DCC: variants seen among roughly 807,000 people sequenced by gnomAD.
The protein encoded by DCC is DCC netrin 1 receptor.
DCC carries 58 observed loss-of-function variants against 172.5 expected under a neutral mutation model. That is an observed-to-expected ratio of 0.34 (90% CI 0.27 to 0.42). The LOEUF (loss-of-function observed/expected upper bound fraction) is 0.42. DCC is among the 10% of genes least tolerant of loss of function. DCC has a pLI of 1.00. For synonymous variants in DCC, 709 were observed against 644.5 expected (o/e 1.10, Z -1.52); for missense variants, 1,740 against 1,791.0 (o/e 0.97, Z 0.51).
chr18:52,567,858 A>G (rs1444717213), intron 1 of DCC, among the ~76,000 whole-genome samples: 1 of 152,076 alleles, frequency 6.6e-6, no homozygotes, highest in Non-Finnish European at 1.5e-5. Flanking sequence ...CTTTATCAGG[A>G]TGGAGCAGTT....
intron 5 of DCC, among the ~76,000 whole-genome samples, chr18:53,005,226 T>C (rs1217560813): frequency 6.6e-6 from 1 of 152,168 alleles, no homozygotes; most frequent in Non-Finnish European, 1.5e-5. Flanking sequence ...ACTATGACCA[T>C]AGTAAAAAAT....
At chr18:52,762,453 A>T (rs2037176543) in intron 2 of DCC, among the ~76,000 whole-genome samples, 1 of 151,006 alleles carries the variant, frequency 6.6e-6, no homozygotes, top group Non-Finnish European at 1.5e-5. Flanking sequence ...AGTCTGAGTG[A>T]CAGAGTGAGA....
At chr18:53,322,662 C>T (rs2057426269) in intron 14 of DCC, among the ~76,000 whole-genome samples, 1 of 151,244 alleles carries the variant, frequency 6.6e-6, no homozygotes, top group African/African-American at 2.4e-5. Flanking sequence ...GATAGTTGTC[C>T]TGAAACATTT....
chr18:53,171,183 C>A (rs896719814), intron 8 of DCC, among the ~76,000 whole-genome samples: 2 of 152,150 alleles, frequency 1.3e-5, no homozygotes, highest in African/African-American at 2.4e-5. Context: ...CTGTGCCTGG[C>A]CTACATAGTG....
chr18:52,341,141 T>C (rs1983614619), intron 1 of DCC, among the ~76,000 whole-genome samples: 1 of 151,474 alleles, frequency 6.6e-6, no homozygotes, highest in African/African-American at 2.4e-5. Context: ...CTGCAAATAC[T>C]TGGGTTGGTT....
intron 2 of DCC, among the ~76,000 whole-genome samples, chr18:52,816,442 G>C (rs2038297979): frequency 6.6e-6 from 1 of 152,184 alleles, no homozygotes; most frequent in Non-Finnish European, 1.5e-5. Context: ...TCCTTTTCAA[G>C]GTGGCGGAGC....
intron 5 of DCC, among the ~76,000 whole-genome samples, chr18:53,013,916 CACA>C (rs1486942386): frequency 6.6e-6 from 1 of 152,218 alleles, no homozygotes; most frequent in East Asian, 1.9e-4. Context: ...TTTCAACGAA[CACA>C]ACAATAACCA....
At chr18:52,369,737 T>A (rs1003133089) in intron 1 of DCC, among the ~76,000 whole-genome samples, 1 of 152,108 alleles carries the variant, frequency 6.6e-6, no homozygotes, top group South Asian at 2.1e-4. Flanking sequence ...CTTTACTTGA[T>A]CCTCATTGAT....
At chr18:52,960,456 T>C (rs1229894166) in intron 5 of DCC, among the ~76,000 whole-genome samples, 3 of 152,178 alleles carry the variant, frequency 2.0e-5, no homozygotes, top group African/African-American at 4.8e-5. Context: ...ACTTTACTAA[T>C]TGACATACTT....
rs61387067 is a variant in DCC, at chr18:53,298,527, C to CAAA, written c.1912-7023_1912-7021dup. On this transcript the variant is annotated intron_variant, in intron 12 of 28. Coordinates refer to ENST00000442544, the MANE Select transcript of DCC (RefSeq NM_005215.4). ...TGGATGACACAGAGAGACCCTGACT[C>CAAA]AAAAAAAAAAAAAAAAAAAAAAAAA... Among the ~76,000 whole-genome samples the CAAA allele has an allele frequency of 6.0e-4, 20 of 33,094 alleles. 3 individuals carry two copies. Among genetic ancestry groups the CAAA allele is most frequent in the East Asian group, 2.4e-3 (2 of 838 alleles). 21.7% of individuals were successfully genotyped at this position (33,094 alleles called of 152,430 possible).
chr18:53,051,895 G>C (rs1017009578), intron 5 of DCC, among the ~76,000 whole-genome samples: 1 of 152,020 alleles, frequency 6.6e-6, no homozygotes, highest in East Asian at 1.9e-4. Context: ...TCCCAGAAAA[G>C]TATCCTATTC....
At chr18:53,033,706 T>C (rs1192750834) in intron 5 of DCC, among the ~76,000 whole-genome samples, 1 of 152,066 alleles carries the variant, frequency 6.6e-6, no homozygotes, top group African/African-American at 2.4e-5. Context: ...GCCATAATAC[T>C]CTCCTATCTT....
chr18:52,893,165 C>A (rs1845535224), intron 2 of DCC, among the ~76,000 whole-genome samples: 1 of 152,044 alleles, frequency 6.6e-6, no homozygotes, highest in African/African-American at 2.4e-5. Context: ...TTAGGCTTCT[C>A]CTTTTTTTTG....
intron 1 of DCC, among the ~76,000 whole-genome samples, chr18:52,664,630 C>T (rs1369104545): frequency 6.6e-6 from 1 of 151,714 alleles, no homozygotes; most frequent in East Asian, 1.9e-4. Flanking sequence ...GCCACCATGC[C>T]CGGCTGATTT....
intron 5 of DCC, among the ~76,000 whole-genome samples, chr18:53,019,346 C>G (rs1328055784): frequency 6.6e-6 from 1 of 152,050 alleles, no homozygotes; most frequent in Non-Finnish European, 1.5e-5. Context: ...GGAACTACCC[C>G]TGTTACTTGT....
At chr18:53,206,919 G>A (rs185699841) in intron 10 of DCC, among the ~76,000 whole-genome samples, 341 of 151,972 alleles carry the variant, frequency 2.2e-3, no homozygotes, top group African/African-American at 7.9e-3. Flanking sequence ...CTCAAGCCCA[G>A]TCCCAAATTA....
intron 10 of DCC, among the ~76,000 whole-genome samples, chr18:53,207,414 C>G (rs560131817): frequency 6.6e-6 from 1 of 152,212 alleles, no homozygotes; most frequent in African/African-American, 2.4e-5. Context: ...TAGAATAACC[C>G]AAACCATTCA....
intron 2 of DCC, among the ~76,000 whole-genome samples, chr18:52,883,391 T>TGTGTGA (rs1468214136): frequency 1.2e-5 from 1 of 82,198 alleles, no homozygotes; most frequent in African/African-American, 3.8e-5. Flanking sequence ...TGTGTGTGTG[T>TGTGTGA]GAGATCTCTT....
intron 5 of DCC, among the ~76,000 whole-genome samples, chr18:53,024,830 C>A (rs768112835): frequency 6.6e-6 from 1 of 152,142 alleles, no homozygotes; most frequent in East Asian, 1.9e-4. Flanking sequence ...TAAATTATGT[C>A]TTTTATAGTT....
Sources: gnomAD v4.1 joint callset for allele counts (sites outside exome capture counted in the v4.1 genomes callset) on GRCh38, gnomAD v4.1.1 for gene constraint, MANE v1.5 for transcripts, NCBI Gene and HGNC (gene_info 2026-07-23, HGNC 2026-07-21) for gene names.